The following PTPRM variants were observed in gnomAD, a reference collection of about 807,000 sequenced individuals.
PTPRM encodes the protein receptor-type tyrosine-protein phosphatase mu.
A neutral mutation model predicts 186.7 loss-of-function variants in PTPRM; 47 were observed. That is an observed-to-expected ratio of 0.25 (90% CI 0.20 to 0.32). PTPRM has a LOEUF of 0.32. Ranked by LOEUF, PTPRM falls within the 10% of genes least tolerant of loss-of-function variation. The probability of loss-of-function intolerance (pLI) is 1.00; values close to 1 mark genes in which losing one functional copy is unlikely to be tolerated. For missense variants in PTPRM, 1,494 were observed against 1,865.0 expected, an observed-to-expected ratio of 0.80 and a Z score of 3.66; for synonymous variants, 668 against 674.9, an observed-to-expected ratio of 0.99 and a Z score of 0.16.
intron 2 of PTPRM, among the ~76,000 whole-genome samples, chr18:7,806,522 C>G (rs1369261132): frequency 2.0e-5 from 3 of 151,988 alleles, no homozygotes; most frequent in Non-Finnish European, 4.4e-5. Flanking sequence ...TAAAATATAG[C>G]AATGAAAAAT....
rs114554838 is a variant in PTPRM at position 7,609,457 on chromosome 18, C to T, written c.73+41566C>T. 5.9e-3 allele frequency among the ~76,000 whole-genome samples: 901 copies of T among 151,876 alleles called. 10 individuals carry two copies. The highest frequency in any genetic ancestry group is 0.021 in the African/African-American group (862 of 41,356). Reference sequence around the variant, plus strand: ...GGCGCCATTTCCCCTTTCGGAGAACCAGAGTCCTCTTGCATAGAATGAGAT... The same window carrying T: ...GGCGCCATTTCCCCTTTCGGAGAACTAGAGTCCTCTTGCATAGAATGAGAT... On this transcript the variant is annotated intron_variant, in intron 1 of 32. Transcript: ENST00000580170.
In PTPRM at chr18:7,746,878, G is replaced by A. The variant is rs540104870; in HGVS notation, c.74-27271G>A. On this transcript the variant is annotated intron_variant, in intron 1 of 32. Coordinates refer to ENST00000580170, the MANE Select transcript of PTPRM (RefSeq NM_001105244.2). ...TCTGTGGCCAGCTTGCTCTCTGAAGGGTGGATGGAGGAAGGTGACCCAGCT... is the reference window on the plus strand; with the variant it reads ...TCTGTGGCCAGCTTGCTCTCTGAAGAGTGGATGGAGGAAGGTGACCCAGCT... Among the ~76,000 whole-genome samples, 124 of 152,256 alleles carry A rather than the reference G, an allele frequency of 8.1e-4. 1 individual carries two copies. Among genetic ancestry groups the A allele is most frequent in the African/African-American group, 2.9e-3 (119 of 41,546 alleles).
chr18:8,077,637 T>C (rs555845260), intron 9 of PTPRM, among the ~76,000 whole-genome samples: 1 of 152,338 alleles, frequency 6.6e-6, no homozygotes, highest in African/African-American at 2.4e-5. Flanking sequence ...CATATTATTT[T>C]TTCTCAGTGA....
At position 8,148,010 on chromosome 18, in the gene PTPRM, G is replaced by A. The variant is rs936817097; in HGVS notation, c.2300+4231G>A. On this transcript the variant is annotated intron_variant, in intron 14 of 32. Coordinates refer to ENST00000580170, the MANE Select transcript of PTPRM (RefSeq NM_001105244.2). Reference sequence around the variant, plus strand: ...GGATGAAACTGACTTCATTGTGGTGGATAAGCTTTTTAATGTGTTGCTGGA... The same window carrying A: ...GGATGAAACTGACTTCATTGTGGTGAATAAGCTTTTTAATGTGTTGCTGGA... Among the ~76,000 whole-genome samples, 4 of 152,208 alleles carry A rather than the reference G, an allele frequency of 2.6e-5. No individual in the cohort carries two copies. The South Asian group carries it at 6.2e-4, about 24-fold the overall frequency.
At chr18:8,184,279 A>G (rs1271668942) in intron 14 of PTPRM, among the ~76,000 whole-genome samples, 1 of 152,198 alleles carries the variant, frequency 6.6e-6, no homozygotes, top group Non-Finnish European at 1.5e-5. Context: ...AGTTTATTTC[A>G]TCTTCTCTGT....
At chr18:7,646,656 TCTC>T (rs962499568) in intron 1 of PTPRM, among the ~76,000 whole-genome samples, 2 of 152,090 alleles carry the variant, frequency 1.3e-5, no homozygotes, top group African/African-American at 4.8e-5. Context: ...CTTCCTCTGC[TCTC>T]CTGTGCTGAA....
At chr18:8,011,891 T>C (rs567377797) in intron 7 of PTPRM, among the ~76,000 whole-genome samples, 1 of 152,362 alleles carries the variant, frequency 6.6e-6, no homozygotes, top group African/African-American at 2.4e-5. Context: ...AGTACTTACC[T>C]TAAAATCATT....
chr18:8,393,662 A>T (rs1418599327), intron 31 of PTPRM, among the ~76,000 whole-genome samples: 1 of 152,204 alleles, frequency 6.6e-6, no homozygotes, highest in Non-Finnish European at 1.5e-5. Flanking sequence ...GGGAAGTTGG[A>T]TATGCATTCT....
intron 19 of PTPRM, among the ~76,000 whole-genome samples, chr18:8,264,908 C>G (rs2094682696): frequency 6.6e-6 from 1 of 152,032 alleles, no homozygotes; most frequent in Non-Finnish European, 1.5e-5. Context: ...ATTTAAGTAA[C>G]TCGCCCCAGG....
At chr18:8,012,050 C>A (rs2084563317) in intron 7 of PTPRM, among the ~76,000 whole-genome samples, 1 of 152,136 alleles carries the variant, frequency 6.6e-6, no homozygotes, top group African/African-American at 2.4e-5. Flanking sequence ...TTCTGTGTTT[C>A]TGGTTACTCT....
In PTPRM at chr18:7,567,969, G is replaced by A. The variant is rs2143275113; in HGVS notation, c.73+78G>A. On this transcript the variant is annotated intron_variant, in intron 1 of 32. Transcript: ENST00000580170. The surrounding 1 kb of genome is among the most constrained non-coding windows in gnomAD (Gnocchi z 4.3). ...CCCGGGACGCCGACAGCTCCCTGGTGGTAGAGCCCTAAGGCTGGCGTCGGG... is the reference window on the plus strand; with the variant it reads ...CCCGGGACGCCGACAGCTCCCTGGTAGTAGAGCCCTAAGGCTGGCGTCGGG... The A allele has an allele frequency of 1.4e-6, 2 of 1,408,432 alleles. No homozygotes were observed. The highest frequency in any genetic ancestry group is 1.4e-5 in the South Asian group (1 of 72,614). 87.2% of individuals were successfully genotyped at this position (1,408,432 alleles called of 1,614,324 possible).
chr18:8,296,284 A>G (rs867402536), intron 19 of PTPRM, 84 bp from the exon 20 acceptor site: 14 of 832,592 alleles, frequency 1.7e-5, no homozygotes, highest in East Asian at 7.4e-5. Context: ...CCCTTGTTCT[A>G]CGTTTTTTAA....
At chr18:8,252,535 G>C in intron 18 of PTPRM, 36 bp downstream of exon 18, 1 of 1,529,858 alleles carries the variant, frequency 6.5e-7, no homozygotes, top group Non-Finnish European at 9.1e-7. Flanking sequence ...AAGAGTTGTG[G>C]AGGGAGTGGG....
At chr18:8,332,380 T>G (rs2095416670) in intron 22 of PTPRM, among the ~76,000 whole-genome samples, 1 of 152,200 alleles carries the variant, frequency 6.6e-6, no homozygotes. Context: ...CTTAATGAAA[T>G]TTGACATAAC....
chr18:7,765,160 G>A (rs1013444254), intron 1 of PTPRM, among the ~76,000 whole-genome samples: 10 of 152,110 alleles, frequency 6.6e-5, no homozygotes, highest in Non-Finnish European at 1.2e-4. Context: ...TTTGTTTGTC[G>A]CAACTCAGCC....
At chr18:7,601,383 AC>A (rs2037399071) in intron 1 of PTPRM, among the ~76,000 whole-genome samples, 1 of 152,196 alleles carries the variant, frequency 6.6e-6, no homozygotes, top group African/African-American at 2.4e-5. Flanking sequence ...ACAAATGACC[AC>A]AAACTTGCCA....
chr18:8,353,595 C>T (rs2005039), intron 23 of PTPRM, among the ~76,000 whole-genome samples: 39,692 of 151,908 alleles, frequency 0.26, 5,246 homozygotes, highest in East Asian at 0.35. Context: ...ACCACTGTGA[C>T]TTGGGTTGCT....
chr18:7,716,570 T>G (rs376526354), intron 1 of PTPRM, among the ~76,000 whole-genome samples: 127 of 152,276 alleles, frequency 8.3e-4, no homozygotes, highest in African/African-American at 3.0e-3. Flanking sequence ...CGAGAAAATT[T>G]TTGCAATCTA....
rs764901041 is a variant in PTPRM at position 8,247,872 on chromosome 18, T to C, written c.2480T>C (p.Met827Thr). The C allele has an allele frequency of 6.2e-7, 1 of 1,606,798 alleles. No individual in the cohort carries two copies. The highest frequency in any genetic ancestry group is 8.5e-7 in the Non-Finnish European group (1 of 1,173,318). Residue 827 changes from methionine to threonine, a missense_variant, in exon 16 of 33, where the codon ATG becomes ACG. Physicochemically the swap from Met to Thr is moderately conservative, Grantham distance 81. Coordinates refer to ENST00000580170, the MANE Select transcript of PTPRM (RefSeq NM_001105244.2). ...GTGTCTTCACCATCGTCCTTCACAATGAAAACAAATACACTGAGCACATCG... is the reference window on the plus strand; with the variant it reads ...GTGTCTTCACCATCGTCCTTCACAACGAAAACAAATACACTGAGCACATCG... The part of the protein sequence containing the change: ...RSVSSPSSFT[M>T]KTNTLSTSVP...
Sources: gnomAD v4.1 joint callset for allele counts (sites outside exome capture counted in the v4.1 genomes callset) on GRCh38, gnomAD v4.1.1 for gene constraint, Gnocchi (gnomAD v3.1) non-coding constraint, MANE v1.5 for transcripts, NCBI Gene and HGNC (gene_info 2026-07-23, HGNC 2026-07-21) for gene names.